Variants in SLC17A5 observed in about 807,000 individuals in gnomAD.
SLC17A5 encodes sialin.
A neutral mutation model predicts 59.4 loss-of-function variants in SLC17A5; 47 were observed. The ratio of observed to expected loss-of-function variants is 0.79; its 90% CI spans 0.63 to 1.01. The LOEUF is 1.01. Among genes scored for constraint, SLC17A5 ranks in the 50% least tolerant of loss-of-function variants. The probability of loss-of-function intolerance (pLI) is 0.00; values close to 1 mark genes in which losing one functional copy is unlikely to be tolerated. For missense variants in SLC17A5, 522 were observed against 595.5 expected (o/e 0.88, Z 1.28); for synonymous variants, 202 against 210.7 (o/e 0.96, Z 0.36).
At chr6:73,622,503 T>C (rs1294462583) in intron 6 of SLC17A5, among the ~76,000 whole-genome samples, 2 of 152,140 alleles carry the variant, frequency 1.3e-5, no homozygotes, top group Admixed American at 6.6e-5. Context: ...GGTTTCACCA[T>C]GTTGGTTAGG....
At chr6:73,610,608 A>G in intron 8 of SLC17A5, 61 bp from the exon 9 acceptor site, 1 of 1,578,550 alleles carries the variant, frequency 6.3e-7, no homozygotes, top group Non-Finnish European at 8.7e-7. Flanking sequence ...CTCTACCTTA[A>G]TATGGTATAA....
At chr6:73,613,227 C>A (rs1299662026) in intron 8 of SLC17A5, among the ~76,000 whole-genome samples, 1 of 152,084 alleles carries the variant, frequency 6.6e-6, no homozygotes, top group Non-Finnish European at 1.5e-5. Context: ...TTGATTACAT[C>A]TTGTCTAAAG....
intron 9 of SLC17A5, among the ~76,000 whole-genome samples, chr6:73,602,379 A>G (rs1767177431): frequency 1.3e-5 from 2 of 150,116 alleles, no homozygotes; most frequent in South Asian, 4.2e-4. Flanking sequence ...TCCCTCCACT[A>G]TTGTCCTATG....
At chr6:73,610,865 T>C (rs533528248) in intron 8 of SLC17A5, among the ~76,000 whole-genome samples, 2 of 152,268 alleles carry the variant, frequency 1.3e-5, no homozygotes, top group Admixed American at 1.3e-4. Flanking sequence ...AGAGAAGCAA[T>C]AGCTGACACA....
intron 2 of SLC17A5, among the ~76,000 whole-genome samples, chr6:73,643,365 T>C (rs1470315341): frequency 6.6e-6 from 1 of 152,052 alleles, no homozygotes; most frequent in East Asian, 1.9e-4. Context: ...TTTCACCATG[T>C]TAGCCAGGAT....
At chr6:73,627,012 T>A (rs1768450878) in intron 6 of SLC17A5, among the ~76,000 whole-genome samples, 1 of 152,128 alleles carries the variant, frequency 6.6e-6, no homozygotes, top group Admixed American at 6.5e-5. Context: ...CCTCAGGTGA[T>A]CCACTCACTT....
intron 10 of SLC17A5, among the ~76,000 whole-genome samples, chr6:73,595,765 T>A (rs1476127580): frequency 6.6e-6 from 1 of 151,936 alleles, no homozygotes; most frequent in Non-Finnish European, 1.5e-5. Flanking sequence ...CGGGCTGGAG[T>A]GCAGTGGCGC....
At chr6:73,633,565 A>G (rs942371028) in intron 6 of SLC17A5, among the ~76,000 whole-genome samples, 3 of 150,940 alleles carry the variant, frequency 2.0e-5, no homozygotes, top group African/African-American at 7.3e-5. Context: ...GCCTGGTTAT[A>G]TTGTATATAA....
chr6:73,641,650 A>G, intron 3 of SLC17A5, 41 bp downstream of exon 3: 1 of 1,381,760 alleles, frequency 7.2e-7, no homozygotes, highest in East Asian at 2.3e-5. Flanking sequence ...AGAGAAGGAG[A>G]CACACGGTAA....
chr6:73,619,003 G>A (rs528230726), intron 7 of SLC17A5, among the ~76,000 whole-genome samples: 86 of 152,202 alleles, frequency 5.7e-4, no homozygotes, highest in African/African-American at 2.0e-3. Flanking sequence ...CTAGGTGCGT[G>A]AGCCACTGCG....
At chr6:73,635,350 A>C in intron 6 of SLC17A5, 32 bp downstream of exon 6, 1 of 1,217,166 alleles carries the variant, frequency 8.2e-7, no homozygotes, top group Non-Finnish European at 1.2e-6. Flanking sequence ...AAAGTTTCTG[A>C]CATTATTTTT....
chr6:73,646,893 C>G (rs1053547869), intron 1 of SLC17A5, among the ~76,000 whole-genome samples: 1 of 152,086 alleles, frequency 6.6e-6, no homozygotes, highest in Admixed American at 6.6e-5. Context: ...CCAGGCTGGT[C>G]TTGAACTTTT....
chr6:73,605,715 C>T (rs888245837), intron 9 of SLC17A5, among the ~76,000 whole-genome samples: 2 of 151,966 alleles, frequency 1.3e-5, no homozygotes, highest in South Asian at 2.1e-4. Context: ...TGGTGGCTCA[C>T]GCCTGTAATC....
intron 8 of SLC17A5, among the ~76,000 whole-genome samples, chr6:73,613,750 T>G (rs1767731655): frequency 6.6e-6 from 1 of 152,212 alleles, no homozygotes; most frequent in Admixed American, 6.5e-5. Context: ...AGTGTTTTGT[T>G]ATGTGAACAA....
chr6:73,651,492 A>T (rs1017407798), intron 1 of SLC17A5, among the ~76,000 whole-genome samples: 1 of 150,134 alleles, frequency 6.7e-6, no homozygotes, highest in Non-Finnish European at 1.5e-5. Context: ...AAATCAGGAC[A>T]TAATTGAGGA....
chr6:73,596,547 C>T lies in SLC17A5; in HGVS notation c.1351-1333G>A, dbSNP rs76816192. Among the ~76,000 whole-genome samples, 265 of 152,302 alleles carry T rather than the reference C, an allele frequency of 1.7e-3. 1 individual carries two copies. Among genetic ancestry groups the T allele is most frequent in the African/African-American group, 6.0e-3 (249 of 41,568 alleles). Reference sequence around the variant, plus strand: ...TTCAGTCTAACCAGAGTGGTGACTACATTTGCAGCATTAACTAAGAAACAC... The same window carrying T: ...TTCAGTCTAACCAGAGTGGTGACTATATTTGCAGCATTAACTAAGAAACAC... On this transcript the variant is annotated intron_variant, in intron 10 of 10. Coordinates refer to ENST00000355773, the MANE Select transcript of SLC17A5 (RefSeq NM_012434.5).
intron 6 of SLC17A5, among the ~76,000 whole-genome samples, chr6:73,634,463 G>A (rs1273827796): frequency 1.3e-5 from 2 of 152,262 alleles, no homozygotes; most frequent in East Asian, 1.9e-4. Context: ...GCAGTGGCAC[G>A]ATCTCAGCTC....
rs201832807 is a variant in SLC17A5, at chr6:73,624,876, G to GAA, written c.820-2916_820-2915dup. 3.6e-3 allele frequency among the ~76,000 whole-genome samples: 510 copies of GAA among 142,474 alleles called. 3 individuals carry two copies. The highest frequency in any genetic ancestry group is 0.013 in the African/African-American group (449 of 35,034). The allele number at this position is 142,474 out of a possible 152,430, so 93.5% of individuals were successfully genotyped here. On this transcript the variant is annotated intron_variant, in intron 6 of 10. Coordinates refer to ENST00000355773, the MANE Select transcript of SLC17A5 (RefSeq NM_012434.5). The stretch of plus-strand genomic sequence containing the variant: ...GACAGAGCAACACTCTGTCTCAAAA[G>GAA]AAAACAATATATATATATACATTCA...
intron 2 of SLC17A5, 39 bp downstream of exon 2, chr6:73,644,368 A>T (rs1275738839): frequency 3.4e-6 from 5 of 1,484,128 alleles, no homozygotes; most frequent in African/African-American, 1.4e-5. Context: ...CAAGTATTTT[A>T]GGATAATTAA....
Sources: gnomAD v4.1 joint callset for allele counts (sites outside exome capture counted in the v4.1 genomes callset) on GRCh38, gnomAD v4.1.1 for gene constraint, MANE v1.5 for transcripts, NCBI Gene and HGNC (gene_info 2026-07-23, HGNC 2026-07-21) for gene names.